Variants in MTX2 observed in about 807,000 individuals in gnomAD.
MTX2 encodes metaxin-2.
Under a neutral mutation model 42.3 loss-of-function variants are expected in MTX2, and 35 were observed. The observed-to-expected ratio is 0.83, with a 90% CI of 0.63 to 1.10. MTX2 has a LOEUF of 1.10. Among genes scored for constraint, MTX2 ranks in the 50% least tolerant of loss-of-function variants. The pLI, the probability that MTX2 is intolerant of heterozygous loss-of-function variation, is 0.00. For synonymous variants in MTX2, 119 were observed against 100.9 expected (o/e 1.18, Z -1.08); for missense variants, 307 against 304.1 (o/e 1.01, Z -0.07).
chr2:176,313,387 T>A (rs1684362494), intron 3 of MTX2, among the ~76,000 whole-genome samples: 1 of 138,326 alleles, frequency 7.2e-6, no homozygotes, highest in Non-Finnish European at 1.5e-5. Context: ...CTACACTGAT[T>A]CTTTTTTTTT....
intron 1 of MTX2, among the ~76,000 whole-genome samples, chr2:176,274,488 G>A (rs1992771): frequency 0.13 from 19,391 of 152,206 alleles, 1,651 homozygotes; most frequent in South Asian, 0.29. Context: ...TATTTAGAGA[G>A]TTGTTATCAG....
Position 176,337,623 on chromosome 2 carries a change from C to G in MTX2, c.751C>G (p.Gln251Glu). The G allele has an allele frequency of 6.2e-7, 1 of 1,612,482 alleles. No individual in the cohort carries two copies. The highest frequency in any genetic ancestry group is 1.1e-5 in the South Asian group (1 of 90,758). The change falls in exon 10 of 10, where the codon CAG becomes GAG. Residue 251 changes from glutamine to glutamate, a missense_variant. Coordinates refer to ENST00000249442, the MANE Select transcript of MTX2 (RefSeq NM_006554.5). ...CCTTGCTTTCTGTAGGAGAATTGAA[C>G]AGCACTATTTTGAAGATCGTGGTAA... ...NLLAFCRRIE[Q>E]HYFEDRGKGR...
intron 1 of MTX2, among the ~76,000 whole-genome samples, chr2:176,274,623 A>G (rs1438749862): frequency 6.6e-6 from 1 of 152,164 alleles, no homozygotes; most frequent in Non-Finnish European, 1.5e-5. Context: ...GGAGGCTGGC[A>G]AAGTAAGTGC....
intron 3 of MTX2, among the ~76,000 whole-genome samples, chr2:176,319,726 C>T (rs181907472): frequency 6.6e-6 from 1 of 152,042 alleles, no homozygotes; most frequent in African/African-American, 2.4e-5. Flanking sequence ...CAGGCACACA[C>T]CACCACGCCC....
chr2:176,290,933 T>TA (rs1255763484), intron 1 of MTX2, among the ~76,000 whole-genome samples: 1 of 152,176 alleles, frequency 6.6e-6, no homozygotes, highest in Non-Finnish European at 1.5e-5. Context: ...CATCAGATGT[T>TA]ACTGCTGTAT....
At chr2:176,316,015 C>A (rs1012766354) in intron 3 of MTX2, among the ~76,000 whole-genome samples, 15 of 151,042 alleles carry the variant, frequency 9.9e-5, no homozygotes, top group African/African-American at 3.5e-4. Flanking sequence ...GTGGTGTAAA[C>A]CCCATAAGGA....
intron 3 of MTX2, among the ~76,000 whole-genome samples, chr2:176,311,996 A>T (rs963416602): frequency 6.6e-6 from 1 of 152,170 alleles, no homozygotes; most frequent in Non-Finnish European, 1.5e-5. Context: ...TCATGCTGGG[A>T]GCTGCAGACT....
chr2:176,316,780 A>T (rs1684452211), intron 3 of MTX2, among the ~76,000 whole-genome samples: 1 of 152,126 alleles, frequency 6.6e-6, no homozygotes, highest in Non-Finnish European at 1.5e-5. Flanking sequence ...TCTTTTATTG[A>T]TAGGTATCAA....
chr2:176,325,756 C>T (rs894772120), intron 4 of MTX2, among the ~76,000 whole-genome samples: 2 of 151,620 alleles, frequency 1.3e-5, no homozygotes, highest in African/African-American at 4.8e-5. Context: ...TAATGCTTAA[C>T]CAGATAAAAA....
rs1684630390 is a variant in MTX2 at position 176,323,402 on chromosome 2, A to G, written c.146A>G (p.Gln49Arg). 1 of 1,611,038 alleles carries G rather than the reference A, an allele frequency of 6.2e-7. No homozygotes were observed. The highest frequency in any genetic ancestry group is 8.5e-7 in the Non-Finnish European group (1 of 1,178,106). ...AASLAVQAFL[Q>R]MCNLPIKVVC... is the part of the protein sequence containing the mutation. ...TATCTTGATTTACAGGCCTTTTTGC[A>G]AATGTGTAACTTGCCTATCAAAGTA... Residue 49 changes from glutamine (Q) to arginine (R), a missense_variant, in exon 4 of 10, where the codon CAA becomes CGA. Gln to Arg is a conservative substitution (Grantham distance 43). Transcript: ENST00000249442.
In MTX2 at chr2:176,290,703, G is replaced by T. The variant is rs558474214; in HGVS notation, c.41-6157G>T. Among the ~76,000 whole-genome samples, 147 of 150,516 alleles carry T rather than the reference G, an allele frequency of 9.8e-4. 2 individuals are homozygous for T. Among genetic ancestry groups the T allele is most frequent in the Admixed American group, 4.3e-3 (65 of 15,156 alleles). On this transcript the variant is annotated intron_variant, in intron 1 of 9. Coordinates refer to ENST00000249442, the MANE Select transcript of MTX2 (RefSeq NM_006554.5). ...TACATGGTTGATTTGTAGATTCATTGCCCAGTTTAGGATTTCAACTTTGGG... is the reference window on the plus strand; with the variant it reads ...TACATGGTTGATTTGTAGATTCATTTCCCAGTTTAGGATTTCAACTTTGGG...
intron 5 of MTX2, among the ~76,000 whole-genome samples, chr2:176,327,660 A>G (rs1364211205): frequency 7.4e-5 from 11 of 149,330 alleles, no homozygotes; most frequent in Admixed American, 2.0e-4. Flanking sequence ...CTTTTAGGTC[A>G]TGGCCAATTT....
intron 1 of MTX2, among the ~76,000 whole-genome samples, chr2:176,296,088 T>C (rs1420637310): frequency 6.6e-6 from 1 of 152,176 alleles, no homozygotes; most frequent in Non-Finnish European, 1.5e-5. Flanking sequence ...AATTCAAATC[T>C]AGTACTTTTC....
chr2:176,284,445 A>T (rs548986492), intron 1 of MTX2, among the ~76,000 whole-genome samples: 6 of 152,214 alleles, frequency 3.9e-5, no homozygotes, highest in Non-Finnish European at 8.8e-5. Context: ...GGTTTACGAA[A>T]TTGGTCCTTG....
chr2:176,294,878 ATACT>A lies in MTX2; in HGVS notation c.41-1979_41-1976del, dbSNP rs536887681. 3.0e-3 allele frequency among the ~76,000 whole-genome samples: 463 copies of A among 152,328 alleles called. 5 individuals carry two copies. Among genetic ancestry groups the A allele is most frequent in the African/African-American group, 0.01 (420 of 41,578 alleles). ...ACGGCAATACTTTTGCACCAACCTA[ATACT>A]TAATTGTTTTAAAAATTTGTAATGC... On this transcript the variant is annotated intron_variant, in intron 1 of 9. Transcript: ENST00000249442.
intron 3 of MTX2, among the ~76,000 whole-genome samples, chr2:176,309,436 C>T (rs985000105): frequency 2.6e-5 from 4 of 152,246 alleles, no homozygotes; most frequent in South Asian, 4.1e-4. Flanking sequence ...AGTTCAGGTC[C>T]TGGATATCCT....
intron 3 of MTX2, among the ~76,000 whole-genome samples, chr2:176,319,741 A>G (rs772611425): frequency 6.6e-6 from 1 of 151,856 alleles, no homozygotes; most frequent in Non-Finnish European, 1.5e-5. Flanking sequence ...ACGCCCGGCT[A>G]ATTTTTGTAT....
At chr2:176,281,468 A>C (rs1169926635) in intron 1 of MTX2, among the ~76,000 whole-genome samples, 2 of 152,170 alleles carry the variant, frequency 1.3e-5, no homozygotes, top group African/African-American at 4.8e-5. Flanking sequence ...GAGGGTAGTC[A>C]GACTTTTTAT....
chr2:176,280,693 A>G (rs1324124834), intron 1 of MTX2, among the ~76,000 whole-genome samples: 2 of 152,234 alleles, frequency 1.3e-5, no homozygotes, highest in Non-Finnish European at 2.9e-5. Context: ...CTCAGTAGTC[A>G]GAGCTGTGGC....
Sources: allele counts gnomAD v4.1 joint callset (sites outside exome capture counted in the v4.1 genomes callset), GRCh38; gene constraint gnomAD v4.1.1; transcripts MANE v1.5; gene names NCBI Gene and HGNC (gene_info 2026-07-23, HGNC 2026-07-21).